NAE1: variants seen among roughly 807,000 people sequenced by gnomAD.
The protein encoded by NAE1 is NEDD8 activating enzyme E1 subunit 1.
Under a neutral mutation model 88.0 loss-of-function variants are expected in NAE1, and 59 were observed. The observed-to-expected ratio is 0.67, with a 90% confidence interval of 0.54 to 0.83. The LOEUF is 0.83. Among genes scored for constraint, NAE1 ranks in the 40% least tolerant of loss-of-function variants. The pLI, the probability that NAE1 is intolerant of heterozygous loss-of-function variation, is 0.00. For missense variants in NAE1, 554 were observed against 632.8 expected, an observed-to-expected ratio of 0.88 and a Z score of 1.34; for synonymous variants, 186 against 208.9, an observed-to-expected ratio of 0.89 and a Z score of 0.95.
intron 4 of NAE1, among the ~76,000 whole-genome samples, chr16:66,824,230 T>C (rs1042467286): frequency 3.9e-5 from 6 of 152,214 alleles, no homozygotes; most frequent in African/African-American, 1.4e-4. Flanking sequence ...CCCACATCTA[T>C]AATCCTGTAC....
chr16:66,826,120 G>T (rs1328479552), intron 3 of NAE1: 1 of 172,874 alleles, frequency 5.8e-6, no homozygotes, highest in Non-Finnish European at 1.3e-5. Context: ...ATAATATACA[G>T]GCCATCTTTA....
intron 19 of NAE1, chr16:66,805,575 T>C (rs1393699807): frequency 1.2e-5 from 5 of 406,268 alleles, no homozygotes; most frequent in Non-Finnish European, 2.1e-5. Context: ...GAGTTTGAGG[T>C]TGCAGCGAGC....
In NAE1 at chr16:66,824,804, A is replaced by G. The variant is rs138718485; in HGVS notation, c.249+51T>C. 1,580 of 1,514,160 alleles carry G rather than the reference A, an allele frequency of 1.0e-3. 11 individuals are homozygous for G. In the East Asian group the frequency reaches 0.017, roughly 16 times the overall value. The allele number at this position is 1,514,160 out of a possible 1,614,324, so 93.8% of individuals were successfully genotyped here. A position where few individuals can be genotyped will look rare whatever the true frequency, so the allele number is the denominator to read the frequency against. On this transcript the variant is annotated intron_variant, in intron 4 of 19. Transcript: ENST00000290810. ...TCAAAGCTTTTCAAGCAATCAAAAC[A>G]CAGGGGCATCATTAGATGCTCACAT...
In NAE1 at chr16:66,805,778, C is replaced by A; in HGVS notation, c.1494G>T (p.Gly498=). The A allele has an allele frequency of 6.7e-7, 1 of 1,491,124 alleles. No individual in the cohort carries two copies. The highest frequency in any genetic ancestry group is 1.5e-5 in the South Asian group (1 of 66,608). 92.4% of individuals were successfully genotyped at this position (1,491,124 alleles called of 1,614,324 possible). ...AEPHTIAAFL[G]GAAAQEVIKI... ...AGTCTTCTCATATATGGAACTCACCCCCCAAGAATGCAGCAATGGTATGTG... is the reference window on the plus strand; with the variant it reads ...AGTCTTCTCATATATGGAACTCACCACCCAAGAATGCAGCAATGGTATGTG... The change falls in exon 19 of 20, where the codon GGG becomes GGT. Residue 498 remains glycine, a splice_region_variant and synonymous_variant. Coordinates refer to ENST00000290810, the MANE Select transcript of NAE1 (RefSeq NM_003905.4).
At chr16:66,829,657 G>C (rs1960612536) in intron 1 of NAE1, among the ~76,000 whole-genome samples, 1 of 152,170 alleles carries the variant, frequency 6.6e-6, no homozygotes, top group Non-Finnish European at 1.5e-5. Flanking sequence ...AAGCTGAGCA[G>C]CTTTGTTATC....
rs1446465936 is a variant in NAE1 at position 66,817,009 on chromosome 16, T to C, written c.704A>G (p.Lys235Arg). The C allele has an allele frequency of 6.3e-7, 1 of 1,597,322 alleles. No homozygotes were observed. Among genetic ancestry groups the C allele is most frequent in the South Asian group, 1.2e-5 (1 of 86,166 alleles). ...WYSETNGRIP[K>R]TYKEKEDFRD... ...GAAGTCCTCTTTTTCTTTATACGTT[T>C]TAGGTATTCGTCCATTTGTCTAAAT... Residue 235 changes from lysine to arginine, a missense_variant, in exon 10 of 20, where the codon AAA becomes AGA. Transcript: ENST00000290810.
At chr16:66,812,377 T>C (rs549034960) in intron 13 of NAE1, among the ~76,000 whole-genome samples, 8 of 152,308 alleles carry the variant, frequency 5.3e-5, no homozygotes, top group East Asian at 3.9e-4. Context: ...ATATAGTTCA[T>C]AGCACAGAGT....
chr16:66,826,344 T>C, intron 3 of NAE1, 179 bp downstream of exon 3: 1 of 600,620 alleles, frequency 1.7e-6, no homozygotes. Context: ...CATTTATTAA[T>C]GCCCTATTTG....
chr16:66,825,602 T>C (rs866697149), intron 3 of NAE1, among the ~76,000 whole-genome samples: 3 of 152,168 alleles, frequency 2.0e-5, no homozygotes, highest in South Asian at 2.1e-4. Context: ...ATGGAACCCA[T>C]TGGCCCATTT....
In NAE1 at chr16:66,816,736, T is replaced by A. The variant is rs1960057460; in HGVS notation, c.749-64A>T. The A allele has an allele frequency of 2.2e-6, 3 of 1,358,068 alleles. 1 individual carries two copies. In the Admixed American group the frequency reaches 6.2e-5, roughly 28 times the overall value. The allele number at this position is 1,358,068 out of a possible 1,614,324, so 84.1% of individuals were successfully genotyped here. On this transcript the variant is annotated intron_variant, in intron 10 of 19. Transcript: ENST00000290810. ...TTTTCACTCTTCTGTTCCCCCATTA[T>A]AAAAATAACCTTGTCAGATCCTGCA...
At chr16:66,821,648 G>A (rs1160687265) in intron 6 of NAE1, 89 bp from the exon 7 acceptor site, 1 of 1,102,902 alleles carries the variant, frequency 9.1e-7, no homozygotes, top group Non-Finnish European at 1.2e-6. Context: ...ATGTCTTACA[G>A]CAACTTTCTT....
At chr16:66,829,684 A>G (rs1413664090) in intron 1 of NAE1, among the ~76,000 whole-genome samples, 2 of 152,184 alleles carry the variant, frequency 1.3e-5, no homozygotes, top group Admixed American at 1.3e-4. Context: ...GCCTCAAGAC[A>G]CAGAAGACGC....
In NAE1 at chr16:66,828,183, T is replaced by A; in HGVS notation, c.54-1403A>T. 4.7e-6 allele frequency: 4 copies of A among 859,322 alleles called. No individual in the cohort carries two copies. In the South Asian group the frequency reaches 6.5e-5, roughly 14 times the overall value. 53.2% of individuals were successfully genotyped at this position (859,322 alleles called of 1,614,324 possible). ...GATGGATGCTTAGATAGTTGGAGAG[T>A]AAATTTAAGAATACTGGTGCATCTT... is the stretch of plus-strand genomic sequence containing the variant. On this transcript the variant is annotated intron_variant, in intron 1 of 19. Coordinates refer to ENST00000290810, the MANE Select transcript of NAE1 (RefSeq NM_003905.4).
chr16:66,818,676 TA>T (rs747572422), intron 7 of NAE1, 39 bp from the exon 8 acceptor site: 110,720 of 911,694 alleles, frequency 0.12, 1 homozygote, highest in South Asian at 0.17. Flanking sequence ...ATTTAACACT[TA>T]AAAAAAAAAA....
intron 14 of NAE1, 47 bp from the exon 15 acceptor site, chr16:66,810,460 T>C: frequency 6.5e-7 from 1 of 1,530,762 alleles, no homozygotes; most frequent in Non-Finnish European, 9.0e-7. Flanking sequence ...AAAGAGAAGA[T>C]TAACAAAGGG....
Position 66,816,896 on chromosome 16 carries a change from C to A in NAE1, c.748+69G>T, listed in dbSNP as rs1597044615. ...TCTGACAAAGGTGTTAACAGAAATC[C>A]AATAAGTACCTGCCTCTAGCAATTT... On this transcript the variant is annotated intron_variant, in intron 10 of 19. Coordinates refer to ENST00000290810, the MANE Select transcript of NAE1 (RefSeq NM_003905.4). The A allele has an allele frequency of 1.9e-6, 3 of 1,543,364 alleles. No homozygotes were observed. The South Asian group carries it at 3.9e-5, about 20-fold the overall frequency.
chr16:66,805,214 G>A (rs373960542), intron 19 of NAE1, among the ~76,000 whole-genome samples: 21 of 152,266 alleles, frequency 1.4e-4, no homozygotes, highest in Middle Eastern at 3.4e-3. Context: ...TGGAAAGGCC[G>A]AGTGGAACCA....
intron 3 of NAE1, among the ~76,000 whole-genome samples, 191 bp from the exon 4 acceptor site, chr16:66,825,076 T>C (rs897192528): frequency 6.6e-5 from 10 of 152,246 alleles, no homozygotes; most frequent in African/African-American, 2.2e-4. Context: ...AAATCAATGT[T>C]TCTTTCCCAA....
At chr16:66,823,705 C>A (rs377171925) in intron 4 of NAE1, 105 bp from the exon 5 acceptor site, 13 of 836,116 alleles carry the variant, frequency 1.6e-5, no homozygotes, top group East Asian at 5.4e-5. Context: ...ATCCAAATTT[C>A]ATGCATAAGT....
Sources: gnomAD v4.1 joint callset for allele counts (sites outside exome capture counted in the v4.1 genomes callset) on GRCh38, gnomAD v4.1.1 for gene constraint, MANE v1.5 for transcripts, NCBI Gene and HGNC (gene_info 2026-07-23, HGNC 2026-07-21) for gene names.